SCAPER: variants seen among roughly 807,000 people sequenced by gnomAD.
The protein encoded by SCAPER is S phase cyclin A-associated protein in the endoplasmic reticulum.
Under a neutral mutation model 182.2 loss-of-function variants are expected in SCAPER, and 98 were observed. The ratio of observed to expected loss-of-function variants is 0.54; its 90% CI spans 0.46 to 0.64. The LOEUF is 0.64. Ranked by LOEUF, SCAPER falls within the 30% of genes least tolerant of loss-of-function variation. The pLI is 0.00. For synonymous variants in SCAPER, 605 were observed against 564.6 expected (o/e 1.07, Z -1.01); for missense variants, 1,432 against 1,690.0 (o/e 0.85, Z 2.68).
intron 21 of SCAPER, among the ~76,000 whole-genome samples, chr15:76,634,877 T>C (rs550972960): frequency 5.9e-5 from 9 of 152,052 alleles, no homozygotes; most frequent in Admixed American, 5.2e-4. Flanking sequence ...GTGTGTATTA[T>C]TTATGATACT....
intron 27 of SCAPER, among the ~76,000 whole-genome samples, chr15:76,383,177 T>G (rs1236161251): frequency 6.6e-6 from 1 of 152,032 alleles, no homozygotes; most frequent in Non-Finnish European, 1.5e-5. Context: ...TTTGTCATTC[T>G]TTCAGCTGGA....
intron 5 of SCAPER, among the ~76,000 whole-genome samples, chr15:76,839,117 T>C (rs62029196): frequency 0.067 from 10,188 of 152,296 alleles, 375 homozygotes; most frequent in Middle Eastern, 0.11. Flanking sequence ...GAGGAATGTA[T>C]CTTCTTTTGA....
intron 25 of SCAPER, among the ~76,000 whole-genome samples, chr15:76,448,330 TA>T (rs2048144546): frequency 6.6e-6 from 1 of 152,140 alleles, no homozygotes; most frequent in Non-Finnish European, 1.5e-5. Flanking sequence ...GAGAATAATC[TA>T]ATTGACTGCA....
intron 30 of SCAPER, among the ~76,000 whole-genome samples, chr15:76,353,492 T>TA (rs1192939830): frequency 1.3e-5 from 2 of 152,182 alleles, no homozygotes; most frequent in East Asian, 3.8e-4. Context: ...TGTTTTACAT[T>TA]AAAAAAATCA....
At chr15:76,872,968 G>A (rs2072834381) in intron 2 of SCAPER, among the ~76,000 whole-genome samples, 1 of 151,682 alleles carries the variant, frequency 6.6e-6, no homozygotes, top group Non-Finnish European at 1.5e-5. Flanking sequence ...AGAAATGTTG[G>A]GCCGGGCACA....
chr15:76,885,876 T>G (rs2073811663), intron 1 of SCAPER, among the ~76,000 whole-genome samples: 1 of 152,182 alleles, frequency 6.6e-6, no homozygotes, highest in South Asian at 2.1e-4. Flanking sequence ...TTCTTCAAGT[T>G]GAAACAAAAG....
At chr15:76,872,388 T>G (rs1416694332) in intron 2 of SCAPER, among the ~76,000 whole-genome samples, 1 of 151,834 alleles carries the variant, frequency 6.6e-6, no homozygotes, top group Admixed American at 6.6e-5. Context: ...AAACCAAACA[T>G]AAGTATATCA....
chr15:76,712,114 A>G (rs2059617362), intron 17 of SCAPER, among the ~76,000 whole-genome samples: 1 of 152,186 alleles, frequency 6.6e-6, no homozygotes, highest in African/African-American at 2.4e-5. Flanking sequence ...TAATTTTTGT[A>G]TAAGGTGTAA....
intron 22 of SCAPER, among the ~76,000 whole-genome samples, chr15:76,576,097 C>A (rs2047800468): frequency 6.6e-6 from 1 of 152,184 alleles, no homozygotes; most frequent in Admixed American, 6.5e-5. Flanking sequence ...GATGGTGGTT[C>A]ATGCTTGTAA....
At chr15:76,353,849 G>T in intron 30 of SCAPER, 100 bp downstream of exon 30, 1 of 987,242 alleles carries the variant, frequency 1.0e-6, no homozygotes, top group Non-Finnish European at 1.4e-6. Flanking sequence ...ATTTTAAAAG[G>T]TAGTATGGAA....
chr15:76,663,108 G>T (rs992825934), intron 21 of SCAPER, among the ~76,000 whole-genome samples: 2 of 151,990 alleles, frequency 1.3e-5, no homozygotes, highest in Non-Finnish European at 2.9e-5. Context: ...CTAATAAAAT[G>T]ACAGCCCATT....
At chr15:76,786,155 C>T (rs138878312) in intron 8 of SCAPER, among the ~76,000 whole-genome samples, 1 of 152,022 alleles carries the variant, frequency 6.6e-6, no homozygotes, top group Non-Finnish European at 1.5e-5. Flanking sequence ...GGTGAAACCA[C>T]GTGTCTACTA....
chr15:76,433,722 G>T (rs1386689422), intron 26 of SCAPER, among the ~76,000 whole-genome samples: 1 of 152,078 alleles, frequency 6.6e-6, no homozygotes, highest in East Asian at 1.9e-4. Context: ...CTACAAAACT[G>T]TTTTAAAAAA....
intron 22 of SCAPER, among the ~76,000 whole-genome samples, chr15:76,609,238 G>A (rs186110943): frequency 6.6e-6 from 1 of 151,980 alleles, no homozygotes; most frequent in East Asian, 1.9e-4. Flanking sequence ...TATAATCCCA[G>A]TGCCTTGGGA....
intron 25 of SCAPER, among the ~76,000 whole-genome samples, chr15:76,464,919 G>C (rs1196323976): frequency 1.3e-5 from 2 of 152,020 alleles, no homozygotes; most frequent in Non-Finnish European, 2.9e-5. Context: ...TTTTATAACA[G>C]CCATCCTAAC....
chr15:76,489,836 C>A (rs2052100339), intron 24 of SCAPER, among the ~76,000 whole-genome samples: 1 of 152,108 alleles, frequency 6.6e-6, no homozygotes, highest in South Asian at 2.1e-4. Flanking sequence ...CATAGTTCTG[C>A]TCTCTGCTTC....
At chr15:76,857,568 T>G (rs2071502399) in intron 4 of SCAPER, among the ~76,000 whole-genome samples, 1 of 152,094 alleles carries the variant, frequency 6.6e-6, no homozygotes, top group Non-Finnish European at 1.5e-5. Flanking sequence ...TCAATGTAAG[T>G]GAGGATAACT....
At chr15:76,562,479 T>C (rs2046717670) in intron 23 of SCAPER, among the ~76,000 whole-genome samples, 1 of 152,090 alleles carries the variant, frequency 6.6e-6, no homozygotes, top group Non-Finnish European at 1.5e-5. Context: ...AACAGGCATG[T>C]CACAAAAGAA....
chr15:76,802,096 G>T (rs1419603754), intron 6 of SCAPER, among the ~76,000 whole-genome samples: 2 of 151,756 alleles, frequency 1.3e-5, no homozygotes, highest in East Asian at 3.9e-4. Flanking sequence ...TAATGCATTG[G>T]TGATTACATT....
Sources: allele counts gnomAD v4.1 joint callset (sites outside exome capture counted in the v4.1 genomes callset), GRCh38; gene constraint gnomAD v4.1.1; transcripts MANE v1.5; gene names NCBI Gene and HGNC (gene_info 2026-07-23, HGNC 2026-07-21).